The following AEBP2 variants were observed in gnomAD, a reference collection of about 807,000 sequenced individuals.
AEBP2 encodes the protein AE binding protein 2.
A neutral mutation model predicts 50.8 loss-of-function variants in AEBP2; 10 were observed. The ratio of observed to expected loss-of-function variants is 0.20; its 90% confidence interval spans 0.12 to 0.33. The LOEUF is 0.33. Ranked by LOEUF, AEBP2 falls within the 10% of genes least tolerant of loss-of-function variation. The probability of loss-of-function intolerance (pLI) is 1.00; values close to 1 mark genes in which losing one functional copy is unlikely to be tolerated. For missense variants in AEBP2, 570 were observed against 688.0 expected, an observed-to-expected ratio of 0.83 and a Z score of 1.92; for synonymous variants, 296 against 261.3, an observed-to-expected ratio of 1.13 and a Z score of -1.28.
At chr12:19,474,343 A>G (rs1380079705) in intron 3 of AEBP2, among the ~76,000 whole-genome samples, 2 of 152,194 alleles carry the variant, frequency 1.3e-5, no homozygotes, top group African/African-American at 4.8e-5. Flanking sequence ...TGTGCCAGTT[A>G]TTTCCCTTGG....
chr12:19,431,752 C>A (rs1297639857), intron 1 of AEBP2, among the ~76,000 whole-genome samples: 3 of 152,136 alleles, frequency 2.0e-5, no homozygotes, highest in Admixed American at 2.0e-4. Flanking sequence ...GCTTTAAGAT[C>A]CTATCATTTC....
intron 1 of AEBP2, among the ~76,000 whole-genome samples, chr12:19,410,921 A>G (rs2095738915): frequency 6.6e-6 from 1 of 152,202 alleles, no homozygotes; most frequent in African/African-American, 2.4e-5. Flanking sequence ...CTTGCATTGC[A>G]GGTGCTAAAA....
intron 1 of AEBP2, among the ~76,000 whole-genome samples, chr12:19,449,489 C>T (rs994379695): frequency 2.0e-5 from 3 of 152,052 alleles, no homozygotes; most frequent in Non-Finnish European, 2.9e-5. Context: ...GTGCTCAGTG[C>T]GTAGTGGTGA....
intron 1 of AEBP2, among the ~76,000 whole-genome samples, chr12:19,418,310 G>A (rs572803246): frequency 4.7e-5 from 7 of 150,406 alleles, no homozygotes; most frequent in Admixed American, 4.6e-4. Flanking sequence ...CTGCAGCCTC[G>A]ACCTCCTGGG....
rs750438575 is a variant in AEBP2, at chr12:19,518,826, T to C, written c.*709T>C. The C allele has an allele frequency of 3.1e-5, 28 of 905,988 alleles. No individual in the cohort carries two copies. The highest frequency in any genetic ancestry group is 4.0e-5 in the Non-Finnish European group (25 of 625,006). The allele number at this position is 905,988 out of a possible 1,614,324, so 56.1% of individuals were successfully genotyped here. A position where few individuals can be genotyped will look rare whatever the true frequency, so the allele number is the denominator to read the frequency against. On this transcript the variant is annotated 3_prime_UTR_variant, in exon 8 of 8. Coordinates refer to ENST00000266508, the MANE Select transcript of AEBP2 (RefSeq NM_153207.5). ...GTGGCTCCCTTTTCAGGACTAGGGCTTTCTCATGGAGTACAGTATGTTAAT... is the reference window on the plus strand; with the variant it reads ...GTGGCTCCCTTTTCAGGACTAGGGCCTTCTCATGGAGTACAGTATGTTAAT...
Position 19,440,385 on chromosome 12 carries a change from G to A in AEBP2, c.671+15G>A, listed in dbSNP as rs1165870146. On this transcript the variant is annotated intron_variant, in intron 1 of 7. Transcript: ENST00000266508. ...TCGGAGGACAGGTCAGTGCTCTGAA[G>A]CGTTTCCCCTTCCCTTCCTCCTCTT... 4 of 1,472,452 alleles carry A rather than the reference G, an allele frequency of 2.7e-6. No homozygotes were observed. The African/African-American group carries it at 5.7e-5, about 21-fold the overall frequency. The allele number at this position is 1,472,452 out of a possible 1,614,324, so 91.2% of individuals were successfully genotyped here.
chr12:19,494,421 G>GT (rs1948939383), intron 4 of AEBP2, among the ~76,000 whole-genome samples: 1 of 151,462 alleles, frequency 6.6e-6, no homozygotes, highest in South Asian at 2.1e-4. Flanking sequence ...GGGAGACAGA[G>GT]TGAGACCCTG....
At chr12:19,407,504 ATGT>A (rs1169944598) in intron 1 of AEBP2, among the ~76,000 whole-genome samples, 1 of 152,018 alleles carries the variant, frequency 6.6e-6, no homozygotes, top group Admixed American at 6.6e-5. Context: ...GGGTTTCACC[ATGT>A]TGGCCAGGCA....
intron 1 of AEBP2, chr12:19,457,079 C>T (rs1318333960): frequency 1.1e-5 from 17 of 1,605,310 alleles, no homozygotes; most frequent in Middle Eastern, 2.2e-4. Context: ...GCTTCTGTGT[C>T]GGGGTTGTAG....
At chr12:19,434,077 C>G (rs1031646924) in intron 1 of AEBP2, among the ~76,000 whole-genome samples, 3 of 151,920 alleles carry the variant, frequency 2.0e-5, no homozygotes, top group Non-Finnish European at 2.9e-5. Flanking sequence ...GATCTCCTGA[C>G]CTTGTGATCC....
At chr12:19,488,290 A>ATTTTTTTTT (rs34804680) in intron 3 of AEBP2, among the ~76,000 whole-genome samples, 1 of 118,414 alleles carries the variant, frequency 8.4e-6, no homozygotes, top group Non-Finnish European at 1.8e-5. Context: ...TAATTTTTGT[A>ATTTTTTTTT]TTTTTTTTTT....
chr12:19,453,288 A>G (rs547121127), intron 1 of AEBP2, among the ~76,000 whole-genome samples: 1 of 149,384 alleles, frequency 6.7e-6, no homozygotes, highest in Non-Finnish European at 1.5e-5. Context: ...TACTTTCTTA[A>G]AAGTTTTTTT....
At chr12:19,420,687 T>C (rs2095745198) in intron 1 of AEBP2, among the ~76,000 whole-genome samples, 1 of 152,198 alleles carries the variant, frequency 6.6e-6, no homozygotes, top group African/African-American at 2.4e-5. Flanking sequence ...GTCCTGTTTT[T>C]ACTTCCCTTT....
In AEBP2 at chr12:19,462,655, A is replaced by G. The variant is rs753732844; in HGVS notation, c.817A>G (p.Asn273Asp). ...TTGGGACCAGTGCCAGGCTTGCTTC[A>G]ACTCTAGCCCAGATCTGGCAGATCA... ...CCWDQCQACFNSSPDLADHIR... is the reference protein window; with the variant it reads ...CCWDQCQACFDSSPDLADHIR... The change falls in exon 2 of 8, where the codon AAC becomes GAC. Residue 273 changes from asparagine (N) to aspartate (D), a missense_variant. Physicochemically the swap from Asn to Asp is conservative, Grantham distance 23. This residue lies in a region of AEBP2 where 184 missense variants were observed against 351.2 expected (regional missense o/e 0.52). Transcript: ENST00000266508. 6.2e-7 allele frequency: 1 copy of G among 1,613,872 alleles called. No individual in the cohort carries two copies. Among genetic ancestry groups the G allele is most frequent in the Non-Finnish European group, 8.5e-7 (1 of 1,179,882 alleles).
At position 19,456,227 on chromosome 12, in the gene AEBP2, A is replaced by G. The variant is rs374148562; in HGVS notation, c.672-6283A>G. The G allele has an allele frequency of 4.4e-5, 65 of 1,480,426 alleles. No homozygotes were observed. In the African/African-American group the frequency reaches 7.7e-4, roughly 18 times the overall value. The allele number at this position is 1,480,426 out of a possible 1,614,324, so 91.7% of individuals were successfully genotyped here. Reference sequence around the variant, plus strand: ...CACCACTGATTAAGACCGGGGTGGCAGGTATTAGGGATAATATTCATTTAG... The same window carrying G: ...CACCACTGATTAAGACCGGGGTGGCGGGTATTAGGGATAATATTCATTTAG... On this transcript the variant is annotated intron_variant, in intron 1 of 7. Transcript: ENST00000266508.
At chr12:19,408,514 G>A (rs1208523653) in intron 1 of AEBP2, among the ~76,000 whole-genome samples, 3 of 148,844 alleles carry the variant, frequency 2.0e-5, no homozygotes, top group South Asian at 4.3e-4. Flanking sequence ...GCACCACTGC[G>A]CTCCAGCCTG....
upstream of AEBP2, among the ~76,000 whole-genome samples, chr12:19,435,820 A>G (rs2153365490): frequency 6.6e-6 from 1 of 152,294 alleles, no homozygotes; most frequent in South Asian, 2.1e-4. Flanking sequence ...TCGGCCAAAC[A>G]TGAACCATAA....
At chr12:19,447,587 A>G (rs141993353) in intron 1 of AEBP2, among the ~76,000 whole-genome samples, 35 of 152,358 alleles carry the variant, frequency 2.3e-4, no homozygotes, top group African/African-American at 7.2e-4. Context: ...GACGTAATCT[A>G]ACTTCTCAGA....
At chr12:19,512,967 AAC>A (rs1949258106) in intron 6 of AEBP2, among the ~76,000 whole-genome samples, 1 of 151,994 alleles carries the variant, frequency 6.6e-6, no homozygotes, top group Non-Finnish European at 1.5e-5. Flanking sequence ...CAACAAAACA[AAC>A]AAAAATCTTA....
Sources: allele counts gnomAD v4.1 joint callset (sites outside exome capture counted in the v4.1 genomes callset), GRCh38; gene constraint gnomAD v4.1.1; regional missense constraint gnomAD v4.1.1; transcripts MANE v1.5; gene names NCBI Gene and HGNC (gene_info 2026-07-23, HGNC 2026-07-21).